The following PRDM2 variants were observed in gnomAD, a reference collection of about 807,000 sequenced individuals.
PRDM2 encodes PR/SET domain 2.
PRDM2 carries 30 observed loss-of-function variants against 130.0 expected under a neutral mutation model. The observed-to-expected ratio is 0.23, with a 90% confidence interval of 0.17 to 0.31. The LOEUF (loss-of-function observed/expected upper bound fraction) is 0.31. PRDM2 is among the 10% of genes least tolerant of loss of function. The pLI is 1.00. For missense variants in PRDM2, 2,011 were observed against 2,108.4 expected (o/e 0.95, Z 0.90); for synonymous variants, 871 against 782.4 (o/e 1.11, Z -1.89).
Position 13,803,019 on chromosome 1 carries a change from C to T in PRDM2, c.5037-13408C>T, listed in dbSNP as rs1359875604. The stretch of plus-strand genomic sequence containing the variant: ...CTGGGCTTCTCTCACCCGGGCTGGT[C>T]GTGTCACGGGCAGTGACGGTGTTTC... On this transcript the variant is annotated intron_variant, in intron 8 of 9. Coordinates refer to ENST00000311066, the MANE Select transcript of PRDM2 (RefSeq NM_001393986.1). The surrounding 1 kb of genome is among the most constrained non-coding windows in gnomAD (Gnocchi z 6.2). Among the ~76,000 whole-genome samples, 1 of 152,162 alleles carries T rather than the reference C, an allele frequency of 6.6e-6. No individual in the cohort carries two copies. The highest frequency in any genetic ancestry group is 1.5e-5 in the Non-Finnish European group (1 of 68,034).
intron 8 of PRDM2, among the ~76,000 whole-genome samples, chr1:13,805,117 C>T (rs1645067670): frequency 1.3e-5 from 2 of 152,192 alleles, no homozygotes; most frequent in South Asian, 4.1e-4. Context: ...CCCAGCCTTA[C>T]AGGACTGCTG....
chr1:13,768,168 C>T (rs941817044), intron 6 of PRDM2, among the ~76,000 whole-genome samples: 8 of 149,704 alleles, frequency 5.3e-5, no homozygotes, highest in African/African-American at 9.8e-5. Flanking sequence ...AGCTCCACCT[C>T]CCGGGTTCAC....
chr1:13,762,925 G>C (rs1198238228), intron 6 of PRDM2, among the ~76,000 whole-genome samples: 1 of 152,204 alleles, frequency 6.6e-6, no homozygotes, highest in African/African-American at 2.4e-5. Context: ...ACAGCAGTGG[G>C]ATCTGTTTGA....
rs1305266467 is a variant in PRDM2 at position 13,749,230 on chromosome 1, C to T, written c.385-131C>T. ...GGGGCCGGGAGCCCTTCCTGCCGGC[C>T]GGGTGCGCGCGGCGCCGCCGACAGC... On this transcript the variant is annotated intron_variant, in intron 5 of 9. Transcript: ENST00000311066. 10 of 875,216 alleles carry T rather than the reference C, an allele frequency of 1.1e-5. No individual in the cohort carries two copies. In the African/African-American group the frequency reaches 1.8e-4, roughly 16 times the overall value. The allele number at this position is 875,216 out of a possible 1,614,324, so 54.2% of individuals were successfully genotyped here.
At chr1:13,804,228 A>C (rs1645053767) in intron 8 of PRDM2, among the ~76,000 whole-genome samples, 1 of 152,020 alleles carries the variant, frequency 6.6e-6, no homozygotes, top group Non-Finnish European at 1.5e-5. Context: ...CACTGTCCCC[A>C]CCGGCTGTAC....
chr1:13,736,670 CCAAA>C (rs1193292399), intron 4 of PRDM2, among the ~76,000 whole-genome samples: 4 of 151,444 alleles, frequency 2.6e-5, no homozygotes, highest in African/African-American at 4.9e-5. Flanking sequence ...ATAAATTTTG[CCAAA>C]CATTTTCTCT....
At chr1:13,749,548 T>G (rs1401661370) in intron 6 of PRDM2, 61 bp downstream of exon 6, 1 of 1,076,540 alleles carries the variant, frequency 9.3e-7, no homozygotes, top group African/African-American at 1.9e-5. Context: ...GACGCCGCCC[T>G]GCCGCCCTCG....
At chr1:13,777,827 T>A (rs1644511857) in intron 7 of PRDM2, among the ~76,000 whole-genome samples, 1 of 151,646 alleles carries the variant, frequency 6.6e-6, no homozygotes, top group African/African-American at 2.4e-5. Flanking sequence ...TTGGCTAGGC[T>A]TAGAAGAGAT....
chr1:13,808,853 T>A (rs981950791), intron 8 of PRDM2, among the ~76,000 whole-genome samples: 1 of 152,150 alleles, frequency 6.6e-6, no homozygotes, highest in African/African-American at 2.4e-5. Context: ...ACTGCCCGTG[T>A]GGGGGCCGGT....
chr1:13,805,972 G>A (rs72635693), intron 8 of PRDM2, among the ~76,000 whole-genome samples: 4,708 of 152,056 alleles, frequency 0.031, 91 homozygotes, highest in African/African-American at 0.037. Flanking sequence ...TTCTTGAAGC[G>A]TCCTCTGGGT....
intron 4 of PRDM2, 57 bp from the exon 5 acceptor site, chr1:13,741,948 G>A: frequency 7.5e-7 from 1 of 1,341,456 alleles, no homozygotes; most frequent in East Asian, 2.3e-5. Context: ...AAAAATGGAG[G>A]CATTTTAAAG....
intron 2 of PRDM2, among the ~76,000 whole-genome samples, chr1:13,721,111 T>C (rs925798309): frequency 6.6e-6 from 1 of 152,224 alleles, no homozygotes; most frequent in Non-Finnish European, 1.5e-5. Context: ...GGAATACATA[T>C]AGTCCTTGCC....
chr1:13,711,114 A>T (rs1013585441), intron 1 of PRDM2, among the ~76,000 whole-genome samples: 9 of 151,792 alleles, frequency 5.9e-5, no homozygotes, highest in African/African-American at 2.2e-4. Flanking sequence ...CATTTGGTAG[A>T]ATTGCTAAGG....
intron 6 of PRDM2, among the ~76,000 whole-genome samples, chr1:13,760,173 ATACT>A (rs1368602353): frequency 6.6e-6 from 1 of 152,174 alleles, no homozygotes; most frequent in South Asian, 2.1e-4. Flanking sequence ...AGAAAAAGTG[ATACT>A]TACTCAATTT....
Position 13,806,159 on chromosome 1 carries a change from T to C in PRDM2, c.5037-10268T>C, listed in dbSNP as rs188305565. ...TGCGGCAGTGGACGCTGTTAATCCTTCTCTTCCTTGAAATACTCTCCACCT... is the reference window on the plus strand; with the variant it reads ...TGCGGCAGTGGACGCTGTTAATCCTCCTCTTCCTTGAAATACTCTCCACCT... On this transcript the variant is annotated intron_variant, in intron 8 of 9. Coordinates refer to ENST00000311066, the MANE Select transcript of PRDM2 (RefSeq NM_001393986.1). The surrounding 1 kb of genome is among the most constrained non-coding windows in gnomAD (Gnocchi z 4.1). 5.5e-4 allele frequency among the ~76,000 whole-genome samples: 84 copies of C among 152,022 alleles called. No individual in the cohort carries two copies. The highest frequency in any genetic ancestry group is 1.9e-3 in the African/African-American group (79 of 41,488).
intron 6 of PRDM2, among the ~76,000 whole-genome samples, chr1:13,754,057 T>C (rs1271599027): frequency 6.6e-6 from 1 of 152,034 alleles, no homozygotes; most frequent in Non-Finnish European, 1.5e-5. Flanking sequence ...ATGGCCTGAC[T>C]GTAGGTGGGA....
Position 13,742,272 on chromosome 1 carries a change from C to A in PRDM2, c.384+115C>A, listed in dbSNP as rs1643469249. ...CTGGAGTGCAGGGGCTCCATCACGG[C>A]TCACTGCAGCCTAAGCCTCCCCAGC... On this transcript the variant is annotated intron_variant, in intron 5 of 9. Coordinates refer to ENST00000311066, the MANE Select transcript of PRDM2 (RefSeq NM_001393986.1). 3.4e-6 allele frequency: 4 copies of A among 1,187,716 alleles called. No individual in the cohort carries two copies. In the South Asian group the frequency reaches 5.9e-5, roughly 17 times the overall value. 73.6% of individuals were successfully genotyped at this position (1,187,716 alleles called of 1,614,324 possible). A position where few individuals can be genotyped will look rare whatever the true frequency, so the allele number is the denominator to read the frequency against.
chr1:13,752,960 G>C (rs1489374489), intron 6 of PRDM2, among the ~76,000 whole-genome samples: 3 of 152,202 alleles, frequency 2.0e-5, no homozygotes, highest in African/African-American at 7.2e-5. Flanking sequence ...CTTGGGAACT[G>C]TAAGTACCAC....
At chr1:13,756,839 A>G (rs559008946) in intron 6 of PRDM2, among the ~76,000 whole-genome samples, 1 of 152,278 alleles carries the variant, frequency 6.6e-6, no homozygotes, top group East Asian at 1.9e-4. Flanking sequence ...ACCATAGCTA[A>G]TCCTCCCAAT....
Sources: allele counts gnomAD v4.1 joint callset (sites outside exome capture counted in the v4.1 genomes callset), GRCh38; gene constraint gnomAD v4.1.1; non-coding constraint Gnocchi (gnomAD v3.1); transcripts MANE v1.5; gene names NCBI Gene and HGNC (gene_info 2026-07-23, HGNC 2026-07-21).